MSRB3: variants seen among roughly 807,000 people sequenced by gnomAD.
MSRB3 encodes methionine-R-sulfoxide reductase B3.
Under a neutral mutation model 21.0 loss-of-function variants are expected in MSRB3, and 13 were observed. That is an observed-to-expected ratio of 0.62 (90% CI 0.40 to 0.98). MSRB3 has a LOEUF of 0.98. MSRB3 is among the 50% of genes least tolerant of loss of function. The pLI is 0.00. For synonymous variants in MSRB3, 87 were observed against 88.6 expected, an observed-to-expected ratio of 0.98 and a Z score of 0.10; for missense variants, 199 against 230.3, an observed-to-expected ratio of 0.86 and a Z score of 0.88.
chr12:65,391,248 A>G (rs935726019), intron 5 of MSRB3, among the ~76,000 whole-genome samples: 4 of 152,236 alleles, frequency 2.6e-5, no homozygotes, highest in African/African-American at 9.6e-5. Context: ...TCTCAAGCTA[A>G]GAGGAGGTAG....
At chr12:65,326,691 G>A in intron 2 of MSRB3, 135 bp from the exon 3 acceptor site, 1 of 699,116 alleles carries the variant, frequency 1.4e-6, no homozygotes, top group South Asian at 1.5e-5. Context: ...GTTCAGGTAA[G>A]CATTTCCAGT....
intron 4 of MSRB3, among the ~76,000 whole-genome samples, chr12:65,337,164 A>G (rs1875820055): frequency 6.6e-6 from 1 of 152,070 alleles, no homozygotes; most frequent in Non-Finnish European, 1.5e-5. Context: ...AATGGCGTGA[A>G]CCCGGAAGGC....
intron 1 of MSRB3, chr12:65,307,071 T>A (rs1008781298): frequency 2.0e-6 from 2 of 980,586 alleles, no homozygotes; most frequent in Non-Finnish European, 2.4e-6. Context: ...CAGAGAAGGG[T>A]CACAGGGAAA....
intron 5 of MSRB3, among the ~76,000 whole-genome samples, chr12:65,389,812 A>G (rs1457464467): frequency 6.6e-6 from 1 of 152,244 alleles, no homozygotes; most frequent in African/African-American, 2.4e-5. Flanking sequence ...TCCTTCACAC[A>G]GGCTGCATGG....
chr12:65,445,169 G>A (rs1301199607), intron 5 of MSRB3, among the ~76,000 whole-genome samples: 1 of 152,050 alleles, frequency 6.6e-6, no homozygotes, highest in South Asian at 2.1e-4. Flanking sequence ...TGCCCTGCAT[G>A]TACTGCAATC....
intron 5 of MSRB3, among the ~76,000 whole-genome samples, chr12:65,417,533 C>T (rs1176934999): frequency 6.6e-6 from 1 of 152,084 alleles, no homozygotes; most frequent in Non-Finnish European, 1.5e-5. Context: ...TAGCAATTCT[C>T]AAGCATACCA....
chr12:65,396,249 C>A (rs1013328613), intron 5 of MSRB3, among the ~76,000 whole-genome samples: 3 of 152,148 alleles, frequency 2.0e-5, no homozygotes, highest in African/African-American at 7.2e-5. Flanking sequence ...GCATTTTCTT[C>A]TTTGATCCAT....
At chr12:65,352,076 C>T (rs1227207565) in intron 4 of MSRB3, among the ~76,000 whole-genome samples, 1 of 151,942 alleles carries the variant, frequency 6.6e-6, no homozygotes, top group South Asian at 2.1e-4. Context: ...AAAATACTGG[C>T]AAAACGAATC....
At chr12:65,454,975 T>C (rs1401059238) in intron 6 of MSRB3, among the ~76,000 whole-genome samples, 2 of 152,216 alleles carry the variant, frequency 1.3e-5, no homozygotes, top group East Asian at 3.9e-4. Flanking sequence ...GTCTGCAATA[T>C]TGTGGCATTG....
rs59746471 is a variant in MSRB3, at chr12:65,422,388, G to GTATATA, written c.293-31302_293-31297dup. On this transcript the variant is annotated intron_variant, in intron 5 of 6. Transcript: ENST00000308259. ...AATTTTTAATTTTTGGGAGTACATA[G>GTATATA]TATATATATATATATATATATATAT... Among the ~76,000 whole-genome samples the GTATATA allele has an allele frequency of 4.9e-3, 452 of 91,960 alleles. 7 individuals are homozygous for GTATATA. The highest frequency in any genetic ancestry group is 7.6e-3 in the East Asian group (28 of 3,682). The allele number at this position is 91,960 out of a possible 152,430, so 60.3% of individuals were successfully genotyped here. A position where few individuals can be genotyped will look rare whatever the true frequency, so the allele number is the denominator to read the frequency against.
chr12:65,315,923 T>A (rs1874268588), intron 2 of MSRB3: 1 of 152,178 alleles, frequency 6.6e-6, no homozygotes, highest in Admixed American at 6.6e-5. Flanking sequence ...TAACTATAGC[T>A]TTGTAGGATT....
At chr12:65,376,220 C>T (rs1335719157) in intron 5 of MSRB3, among the ~76,000 whole-genome samples, 4 of 150,800 alleles carry the variant, frequency 2.7e-5, no homozygotes, top group Non-Finnish European at 5.9e-5. Context: ...CCTGGGTTCA[C>T]GCCATTCTCC....
chr12:65,280,880 C>T (rs1257007336), intron 1 of MSRB3, among the ~76,000 whole-genome samples: 1 of 152,152 alleles, frequency 6.6e-6, no homozygotes, highest in Non-Finnish European at 1.5e-5. Context: ...CAAAGACTAT[C>T]CCAACAGTAA....
At chr12:65,383,756 G>A (rs1419019778) in intron 5 of MSRB3, among the ~76,000 whole-genome samples, 1 of 151,088 alleles carries the variant, frequency 6.6e-6, no homozygotes, top group Non-Finnish European at 1.5e-5. Flanking sequence ...CGCCTCCCTG[G>A]TTCAAGTGAT....
At chr12:65,360,397 CATT>C (rs1877633390) in intron 4 of MSRB3, among the ~76,000 whole-genome samples, 1 of 152,004 alleles carries the variant, frequency 6.6e-6, no homozygotes, top group African/African-American at 2.4e-5. Context: ...GAAACAATTA[CATT>C]ATTTTAGAGG....
At chr12:65,279,671 T>C (rs1224370632) in intron 1 of MSRB3, among the ~76,000 whole-genome samples, 1 of 152,254 alleles carries the variant, frequency 6.6e-6, no homozygotes, top group Middle Eastern at 3.2e-3. Context: ...GTGGCAGTTA[T>C]GAAGTCGTTA....
chr12:65,393,940 ATATT>A (rs1247471450), intron 5 of MSRB3, among the ~76,000 whole-genome samples: 4 of 152,120 alleles, frequency 2.6e-5, no homozygotes, highest in Non-Finnish European at 5.9e-5. Flanking sequence ...ATGCCACTAA[ATATT>A]TATCCATAAT....
At chr12:65,279,457 C>T (rs1323102122) in intron 1 of MSRB3, 2 of 152,270 alleles carry the variant, frequency 1.3e-5, no homozygotes, top group East Asian at 3.9e-4. Flanking sequence ...CTGGGCCAGA[C>T]TCCAGCGGGC....
intron 1 of MSRB3, among the ~76,000 whole-genome samples, chr12:65,286,978 A>AC (rs1353824076): frequency 1.5e-5 from 2 of 131,256 alleles, no homozygotes; most frequent in Non-Finnish European, 3.1e-5. Context: ...CTATGATTGC[A>AC]CCACTGTACT....
Sources: gnomAD v4.1 joint callset for allele counts (sites outside exome capture counted in the v4.1 genomes callset) on GRCh38, gnomAD v4.1.1 for gene constraint, MANE v1.5 for transcripts, NCBI Gene and HGNC (gene_info 2026-07-23, HGNC 2026-07-21) for gene names.